SURF2: variants seen among roughly 807,000 people sequenced by gnomAD.
SURF2 encodes surfeit 2, also known as surfeit locus protein 2.
In SURF2, 32 loss-of-function variants were observed where a neutral mutation model predicts 26.2. The observed-to-expected ratio is 1.22, with a 90% CI of 0.92 to 1.64. The LOEUF (loss-of-function observed/expected upper bound fraction) is 1.64, where lower values mean the gene tolerates loss of function less well. Among genes scored for constraint, SURF2 ranks in the 40% most tolerant of loss-of-function variants. The pLI is 0.00. For synonymous variants in SURF2, 173 were observed against 139.1 expected (o/e 1.24, Z -1.71); for missense variants, 415 against 341.6 (o/e 1.21, Z -1.69).
intron 2 of SURF2, chr9:133,357,343 C>CG: frequency 1.9e-6 from 1 of 520,090 alleles, no homozygotes; most frequent in Non-Finnish European, 3.4e-6. Context: ...TTGGGTTCTT[C>CG]CCTTAACCCC....
In SURF2 at chr9:133,357,705, C is replaced by T. The variant is rs2130035671; in HGVS notation, c.234-6C>T. On this transcript the variant is annotated splice_polypyrimidine_tract_variant and splice_region_variant and intron_variant, in intron 2 of 5. Transcript: ENST00000371964. ...TCCCTACAAATTTGGTCTCTCTGCT[C>T]TGTAGGCACCAGTTGTTCTGCAAAC... 2.5e-6 allele frequency: 4 copies of T among 1,613,552 alleles called. No individual in the cohort carries two copies. Among genetic ancestry groups the T allele is most frequent in the African/African-American group, 1.3e-5 (1 of 74,942 alleles).
Position 133,360,447 on chromosome 9 carries a change from C to A in SURF2, c.687+13C>A. 1 of 1,593,954 alleles carries A rather than the reference C, an allele frequency of 6.3e-7. No individual in the cohort carries two copies. The highest frequency in any genetic ancestry group is 8.5e-7 in the Non-Finnish European group (1 of 1,173,664). ...GAAGCGCGGGAAGGTGAGCTGTCAC[C>A]TCCTCTGTTAGTGTGGCAGTGGCTT... is the stretch of plus-strand genomic sequence containing the variant. On this transcript the variant is annotated intron_variant, in intron 5 of 5. Coordinates refer to ENST00000371964, the MANE Select transcript of SURF2 (RefSeq NM_017503.5).
rs2130032716 is a variant in SURF2, at chr9:133,357,083, G to A, written c.233+15G>A. The stretch of plus-strand genomic sequence containing the variant: ...ACCAAGAACCCGTAGGTGGTCCGCG[G>A]CGGCGCGGGGAGGCCCAGGGCAATT... On this transcript the variant is annotated intron_variant, in intron 2 of 5. Transcript: ENST00000371964. 2.3e-4 allele frequency: 357 copies of A among 1,548,802 alleles called. No homozygotes were observed. In the African/African-American group the frequency reaches 4.6e-3, roughly 20 times the overall value.
Position 133,356,607 on chromosome 9 carries a change from G to T in SURF2, c.15G>T (p.Pro5=). The T allele has an allele frequency of 6.6e-7, 1 of 1,524,632 alleles. No homozygotes were observed. 94.4% of individuals were successfully genotyped at this position (1,524,632 alleles called of 1,614,324 possible). A position where few individuals can be genotyped will look rare whatever the true frequency, so the allele number is the denominator to read the frequency against. ...GCGCGTCGGCCATGAGCGAGTTGCC[G>T]GGCGACGTGCGGGCGTTTCTGCGGG... MSEL[P]GDVRAFLREH... is the part of the protein sequence containing the mutation. The change falls in exon 1 of 6, where the codon CCG becomes CCT. Residue 5 remains proline, a synonymous_variant. Coordinates refer to ENST00000371964, the MANE Select transcript of SURF2 (RefSeq NM_017503.5).
In SURF2 at chr9:133,356,966, A is replaced by G; in HGVS notation, c.131A>G (p.Gln44Arg). 1.9e-6 allele frequency: 3 copies of G among 1,570,336 alleles called. No homozygotes were observed. Among genetic ancestry groups the G allele is most frequent in the Non-Finnish European group, 2.6e-6 (3 of 1,158,272 alleles). The change falls in exon 2 of 6, where the codon CAG becomes CGG. Residue 44 changes from glutamine to arginine, a missense_variant. Transcript: ENST00000371964. Reference protein sequence around the residue: ...HELPCRLPELQVYTRGKKYQR... With the variant: ...HELPCRLPELRVYTRGKKYQR... ...CTGCCCTGCCGCCTGCCGGAGCTCC[A>G]GGTCTACACCCGCGGCAAAAAGTAC...
chr9:133,356,813 G>A, intron 1 of SURF2, 101 bp from the exon 2 acceptor site: 1 of 1,442,010 alleles, frequency 6.9e-7, no homozygotes, highest in Non-Finnish European at 9.1e-7. Context: ...GAGAGGGCGC[G>A]GCGGGATCAG....
chr9:133,361,068 T>A lies in SURF2; in HGVS notation c.700T>A (p.Ser234Thr). ...GTTTATCCCACAGAAGCAGTTGGGC[T>A]CGTTGAAAAAGAAGTTCAAGAGTCA... ...VQKRGKKQLG[S>T]LKKKFKSHHR... Residue 234 changes from serine (S) to threonine (T), a missense_variant, in exon 6 of 6, where the codon TCG (serine) becomes ACG (threonine). Transcript: ENST00000371964. 6.2e-7 allele frequency: 1 copy of A among 1,614,114 alleles called. No individual in the cohort carries two copies. The highest frequency in any genetic ancestry group is 8.5e-7 in the Non-Finnish European group (1 of 1,179,992).
rs1836614770 is a variant in SURF2, at chr9:133,356,876, T to C, written c.79-38T>C. The C allele has an allele frequency of 3.3e-6, 5 of 1,517,008 alleles. No individual in the cohort carries two copies. In the Admixed American group the frequency reaches 8.1e-5, roughly 25 times the overall value. 94.0% of individuals were successfully genotyped at this position (1,517,008 alleles called of 1,614,324 possible). The stretch of plus-strand genomic sequence containing the variant: ...GAGGGGGCACCAGGGAGCGGAGCCC[T>C]GGCCCTCCTGACGTCCTGCCCGCCC... On this transcript the variant is annotated intron_variant, in intron 1 of 5. Coordinates refer to ENST00000371964, the MANE Select transcript of SURF2 (RefSeq NM_017503.5).
At chr9:133,357,168 A>C in intron 2 of SURF2, 100 bp downstream of exon 2, 1 of 1,370,908 alleles carries the variant, frequency 7.3e-7, no homozygotes, top group Non-Finnish European at 9.5e-7. Context: ...CAGAGTTGGG[A>C]GCCCTGGGAC....
At chr9:133,359,525 C>T (rs1347922266) in intron 3 of SURF2, among the ~76,000 whole-genome samples, 5 of 152,236 alleles carry the variant, frequency 3.3e-5, no homozygotes, top group East Asian at 1.9e-4. Context: ...CACTGAGCCC[C>T]GCCCTCCGGG....
At chr9:133,358,115 C>G (rs587670014) in intron 3 of SURF2, among the ~76,000 whole-genome samples, 1 of 152,040 alleles carries the variant, frequency 6.6e-6, no homozygotes, top group Non-Finnish European at 1.5e-5. Flanking sequence ...TGGGGAGACT[C>G]GCTGAGGGAT....
At chr9:133,360,597 A>C (rs1229757665) in intron 5 of SURF2, among the ~76,000 whole-genome samples, 163 bp downstream of exon 5, 1 of 152,264 alleles carries the variant, frequency 6.6e-6, no homozygotes, top group African/African-American at 2.4e-5. Context: ...GAAGGCCGTG[A>C]GTGCCTACCA....
Position 133,356,606 on chromosome 9 carries a change from C to T in SURF2, c.14C>T (p.Pro5Leu), listed in dbSNP as rs1443228220. The T allele has an allele frequency of 6.6e-6, 10 of 1,524,892 alleles. No individual in the cohort carries two copies. The Admixed American group carries it at 9.9e-5, about 15-fold the overall frequency. The allele number at this position is 1,524,892 out of a possible 1,614,324, so 94.5% of individuals were successfully genotyped here. A position where few individuals can be genotyped will look rare whatever the true frequency, so the allele number is the denominator to read the frequency against. ...GGCGCGTCGGCCATGAGCGAGTTGCCGGGCGACGTGCGGGCGTTTCTGCGG... is the reference window on the plus strand; with the variant it reads ...GGCGCGTCGGCCATGAGCGAGTTGCTGGGCGACGTGCGGGCGTTTCTGCGG... Reference protein sequence around the residue: MSELPGDVRAFLREH... With the variant: MSELLGDVRAFLREH... Residue 5 changes from proline to leucine, a missense_variant, in exon 1 of 6, where the codon CCG (proline) becomes CTG (leucine). Physicochemically the swap from Pro to Leu is moderately conservative, Grantham distance 98. Transcript: ENST00000371964.
rs1344388018 is a variant in SURF2 at position 133,360,050 on chromosome 9, G to A, written c.438G>A (p.Pro146=). 1.3e-5 allele frequency: 21 copies of A among 1,613,896 alleles called. No homozygotes were observed. The highest frequency in any genetic ancestry group is 5.5e-5 in the South Asian group (5 of 91,066). Residue 146 remains proline, a synonymous_variant, in exon 4 of 6, where the codon CCG becomes CCA. Coordinates refer to ENST00000371964, the MANE Select transcript of SURF2 (RefSeq NM_017503.5). ...EDQMDGDGPR[P]REAFWEPTSS... ...AGATGGACGGTGACGGGCCTCGCCC[G>A]CGGGAAGCCTTCTGGGAGCCCACAT...
intron 3 of SURF2, among the ~76,000 whole-genome samples, chr9:133,359,098 G>A (rs1397620471): frequency 1.3e-5 from 2 of 152,168 alleles, no homozygotes; most frequent in African/African-American, 2.4e-5. Flanking sequence ...AGGGGGCCAC[G>A]GGGTTCCCAT....
At position 133,357,780 on chromosome 9, in the gene SURF2, C is replaced by T; in HGVS notation, c.303C>T (p.Thr101=). 6.2e-7 allele frequency: 1 copy of T among 1,613,726 alleles called. No homozygotes were observed. The highest frequency in any genetic ancestry group is 8.5e-7 in the Non-Finnish European group (1 of 1,180,036). The change falls in exon 3 of 6, where the codon ACC becomes ACT. Residue 101 remains threonine, a synonymous_variant. Coordinates refer to ENST00000371964, the MANE Select transcript of SURF2 (RefSeq NM_017503.5). ...NKCPEHVLRH[T]QGRRYQRALC... is the part of the protein sequence containing the mutation. ...GCCCAGAACACGTGCTGAGGCACAC[C>T]CAGGGCCGGCGGTACCAGCGAGCTC...
intron 3 of SURF2, among the ~76,000 whole-genome samples, chr9:133,358,800 C>T (rs1836676484): frequency 6.6e-6 from 1 of 152,078 alleles, no homozygotes; most frequent in Non-Finnish European, 1.5e-5. Context: ...CACCAGAAAG[C>T]CTTTCTGGAG....
chr9:133,359,942 T>A lies in SURF2; in HGVS notation c.338-8T>A. 1.2e-6 allele frequency: 2 copies of A among 1,604,116 alleles called. No individual in the cohort carries two copies. The highest frequency in any genetic ancestry group is 1.7e-6 in the Non-Finnish European group (2 of 1,174,310). On this transcript the variant is annotated splice_polypyrimidine_tract_variant and splice_region_variant and intron_variant, in intron 3 of 5. Coordinates refer to ENST00000371964, the MANE Select transcript of SURF2 (RefSeq NM_017503.5). Reference sequence around the variant, plus strand: ...GAGGTACCCAGCACGTGCTGGCTTATCTCCCAGATGAAGAATGTCAGAAGC... The same window carrying A: ...GAGGTACCCAGCACGTGCTGGCTTAACTCCCAGATGAAGAATGTCAGAAGC...
chr9:133,356,839 G>A, intron 1 of SURF2, 75 bp from the exon 2 acceptor site: 1 of 1,464,668 alleles, frequency 6.8e-7, no homozygotes. Flanking sequence ...GAGAGGGAAG[G>A]GGGCGCGGCA....
Sources: gnomAD v4.1 joint callset for allele counts (sites outside exome capture counted in the v4.1 genomes callset) on GRCh38, gnomAD v4.1.1 for gene constraint, MANE v1.5 for transcripts, NCBI Gene and HGNC (gene_info 2026-07-23, HGNC 2026-07-21) for gene names.